Variants in BLM observed in about 807,000 individuals in gnomAD.
BLM encodes BLM RecQ like helicase.
Under a neutral mutation model 135.3 loss-of-function variants are expected in BLM, and 95 were observed. The observed-to-expected ratio is 0.70, with a 90% CI of 0.59 to 0.83. BLM has a LOEUF of 0.83. BLM is among the 40% of genes least tolerant of loss of function. The pLI is 0.00. For missense variants in BLM, 1,518 were observed against 1,663.9 expected, an observed-to-expected ratio of 0.91 and a Z score of 1.53; for synonymous variants, 520 against 589.2, an observed-to-expected ratio of 0.88 and a Z score of 1.70.
At chr15:90,727,823 G>A (rs746493900) in intron 1 of BLM, among the ~76,000 whole-genome samples, 1 of 151,426 alleles carries the variant, frequency 6.6e-6, no homozygotes, top group Non-Finnish European at 1.5e-5. Context: ...TTAGCTGTGA[G>A]TACAACTGTA....
Position 90,760,163 on chromosome 15 carries a change from A to G in BLM, c.1104A>G (p.Leu368=). 6.2e-7 allele frequency: 1 copy of G among 1,611,202 alleles called. No homozygotes were observed. Among genetic ancestry groups the G allele is most frequent in the Non-Finnish European group, 8.5e-7 (1 of 1,177,414 alleles). The change falls in exon 6 of 22, where the codon TTA becomes TTG. Residue 368 remains leucine (L), a synonymous_variant. Transcript: ENST00000355112. ...ATTTTATAGCTAGACAGATAAGTTT[A>G]CAGCAGCAGCTTATTCATGTGATGG... is the stretch of plus-strand genomic sequence containing the variant. ...STDCDARQIS[L]QQQLIHVMEH...
In BLM at chr15:90,811,269, G is replaced by A. The variant is rs2151199812; in HGVS notation, c.3939G>A (p.Glu1313=). The A allele has an allele frequency of 6.2e-7, 1 of 1,614,172 alleles. No individual in the cohort carries two copies. Among genetic ancestry groups the A allele is most frequent in the Non-Finnish European group, 8.5e-7 (1 of 1,180,044 alleles). Residue 1313 remains glutamate (E), a synonymous_variant, in exon 21 of 22, where the codon GAG becomes GAA. Coordinates refer to ENST00000355112, the MANE Select transcript of BLM (RefSeq NM_000057.4). ...SSRGPGRSAA[E]ELDEEIPVSS... ...GAGGCCCCGGAAGAAGTGCCGCTGA[G>A]GAGCTCGACGAGGAAATACCCGTAT...
At chr15:90,808,874 C>G in intron 19 of BLM, 1 of 533,306 alleles carries the variant, frequency 1.9e-6, no homozygotes, top group South Asian at 2.0e-5. Flanking sequence ...ACAGGTCCCA[C>G]CCTCAGCTTC....
intron 21 of BLM, among the ~76,000 whole-genome samples, chr15:90,814,074 C>T (rs571039677): frequency 6.6e-6 from 1 of 152,362 alleles, no homozygotes; most frequent in South Asian, 2.1e-4. Flanking sequence ...AAACTTCAGG[C>T]TGCATCTCTG....
chr15:90,731,401 G>A (rs920981053), intron 1 of BLM, among the ~76,000 whole-genome samples: 3 of 152,140 alleles, frequency 2.0e-5, no homozygotes, highest in African/African-American at 7.2e-5. Context: ...GAATGAGCTG[G>A]GGAGTTGGTT....
At chr15:90,724,572 C>A (rs940683845) in intron 1 of BLM, among the ~76,000 whole-genome samples, 2 of 152,116 alleles carry the variant, frequency 1.3e-5, no homozygotes, top group African/African-American at 4.8e-5. Context: ...GCATTCCAGA[C>A]CCCCCACTTC....
chr15:90,801,928 C>T (rs577826513), intron 17 of BLM, among the ~76,000 whole-genome samples: 14 of 152,244 alleles, frequency 9.2e-5, no homozygotes, highest in African/African-American at 2.9e-4. Flanking sequence ...TGGTAGCACG[C>T]ACCTGTAGTG....
chr15:90,720,860 G>C (rs910943191), intron 1 of BLM, among the ~76,000 whole-genome samples: 5 of 152,062 alleles, frequency 3.3e-5, no homozygotes, highest in African/African-American at 1.2e-4. Context: ...TGGGACTACA[G>C]GTTTGAGCCC....
chr15:90,756,134 C>T (rs544006261), intron 5 of BLM, among the ~76,000 whole-genome samples: 36 of 150,436 alleles, frequency 2.4e-4, no homozygotes, highest in Non-Finnish European at 4.9e-4. Flanking sequence ...GACGGAGTCT[C>T]GCTCTGTCAC....
At chr15:90,747,600 G>C in intron 2 of BLM, 110 bp downstream of exon 2, 2 of 765,536 alleles carry the variant, frequency 2.6e-6, no homozygotes, top group Non-Finnish European at 4.5e-6. Flanking sequence ...AAATGAAGCT[G>C]AGAGATTCAT....
chr15:90,777,043 A>G (rs893710477), intron 12 of BLM, among the ~76,000 whole-genome samples: 2 of 151,690 alleles, frequency 1.3e-5, no homozygotes, highest in East Asian at 1.9e-4. Flanking sequence ...TACTCTCACT[A>G]TGTTGCCCAG....
intron 1 of BLM, among the ~76,000 whole-genome samples, chr15:90,733,887 G>A (rs548948198): frequency 6.6e-5 from 10 of 152,246 alleles, no homozygotes; most frequent in Non-Finnish European, 1.2e-4. Flanking sequence ...TTATAATACA[G>A]TGTGTATTCT....
intron 11 of BLM, 84 bp from the exon 12 acceptor site, chr15:90,769,354 G>T: frequency 1.3e-6 from 2 of 1,570,354 alleles, no homozygotes; most frequent in Non-Finnish European, 1.8e-6. Context: ...GAATAAGGTA[G>T]TTCTTAATAC....
In BLM at chr15:90,815,045, G is replaced by GAA. The variant is rs1405701083; in HGVS notation, c.4077-57_4077-56insAA. Reference sequence around the variant, plus strand: ...GTAGCTCTGTGCAGGTTGAGAGGAAGGTCATTCATTTTTGGTTTCATTTAA... The same window carrying GAA: ...GTAGCTCTGTGCAGGTTGAGAGGAAGAAGTCATTCATTTTTGGTTTCATTTAA... On this transcript the variant is annotated intron_variant, in intron 21 of 21. Coordinates refer to ENST00000355112, the MANE Select transcript of BLM (RefSeq NM_000057.4). This position sits in a 1 kb window ranked among gnomAD's most constrained non-coding sequence, Gnocchi z 4.6. The GAA allele has an allele frequency of 6.4e-7, 1 of 1,564,340 alleles. No individual in the cohort carries two copies. Among genetic ancestry groups the GAA allele is most frequent in the Admixed American group, 1.7e-5 (1 of 59,814 alleles).
chr15:90,815,435 A>C lies in BLM; in HGVS notation c.*156A>C. On this transcript the variant is annotated 3_prime_UTR_variant, in exon 22 of 22. Transcript: ENST00000355112. This position sits in a 1 kb window ranked among gnomAD's most constrained non-coding sequence, Gnocchi z 4.6. ...CTGGGGGGTGATAGTTCTTCTTTTTAAAATAAACATTTTCTTTTGAATAAG... is the reference window on the plus strand; with the variant it reads ...CTGGGGGGTGATAGTTCTTCTTTTTCAAATAAACATTTTCTTTTGAATAAG... The C allele has an allele frequency of 1.2e-6, 1 of 831,938 alleles. No individual in the cohort carries two copies. Among genetic ancestry groups the C allele is most frequent in the Non-Finnish European group, 1.8e-6 (1 of 542,576 alleles). The allele number at this position is 831,938 out of a possible 1,614,324, so 51.5% of individuals were successfully genotyped here. A position where few individuals can be genotyped will look rare whatever the true frequency, so the allele number is the denominator to read the frequency against.
intron 19 of BLM, among the ~76,000 whole-genome samples, chr15:90,805,047 G>A (rs1356845273): frequency 6.6e-6 from 1 of 152,022 alleles, no homozygotes; most frequent in Non-Finnish European, 1.5e-5. Context: ...CGTTGGTCAG[G>A]CTGGTCTCAA....
At chr15:90,814,943 A>G (rs1897517648) in intron 21 of BLM, among the ~76,000 whole-genome samples, 159 bp from the exon 22 acceptor site, 1 of 152,186 alleles carries the variant, frequency 6.6e-6, no homozygotes, top group Non-Finnish European at 1.5e-5. Context: ...CATAAGTAGT[A>G]AAGGAAACTT....
intron 12 of BLM, among the ~76,000 whole-genome samples, chr15:90,778,753 T>G (rs923025573): frequency 6.6e-6 from 1 of 152,226 alleles, no homozygotes; most frequent in Admixed American, 6.5e-5. Flanking sequence ...CCATTTTTAT[T>G]TTTTACTATT....
chr15:90,795,205 G>A (rs573857728), intron 16 of BLM, among the ~76,000 whole-genome samples: 10 of 152,306 alleles, frequency 6.6e-5, no homozygotes, highest in South Asian at 4.1e-4. Context: ...CTGGCTTGGC[G>A]CAGTGGCTCA....
Sources: allele counts gnomAD v4.1 joint callset (sites outside exome capture counted in the v4.1 genomes callset), GRCh38; gene constraint gnomAD v4.1.1; non-coding constraint Gnocchi (gnomAD v3.1); transcripts MANE v1.5; gene names NCBI Gene and HGNC (gene_info 2026-07-23, HGNC 2026-07-21).